PPP1CB: variants seen among roughly 807,000 people sequenced by gnomAD.
PPP1CB encodes the protein protein phosphatase 1 catalytic subunit beta.
A neutral mutation model predicts 43.7 loss-of-function variants in PPP1CB; 2 were observed. The ratio of observed to expected loss-of-function variants is 0.05; its 90% CI spans 0.02 to 0.14. PPP1CB has a LOEUF of 0.14. PPP1CB is among the 10% of genes least tolerant of loss of function. PPP1CB has a pLI of 1.00. For synonymous variants in PPP1CB, 136 were observed against 135.6 expected, an observed-to-expected ratio of 1.00 and a Z score of -0.02; for missense variants, 84 against 398.0, an observed-to-expected ratio of 0.21 and a Z score of 6.71.
chr2:28,751,792 C>T (rs2148448498), upstream of PPP1CB: 3 of 416,528 alleles, frequency 7.2e-6, no homozygotes, highest in Non-Finnish European at 8.8e-6. Context: ...GAGTGAGTGG[C>T]GCTGCGGGTG....
chr2:28,769,711 TACG>T (rs1666861121), intron 1 of PPP1CB, among the ~76,000 whole-genome samples: 1 of 151,982 alleles, frequency 6.6e-6, no homozygotes, highest in Non-Finnish European at 1.5e-5. Flanking sequence ...GAAACAAAAA[TACG>T]ACAACTGTAG....
chr2:28,756,883 G>A (rs1666501251), intron 1 of PPP1CB, among the ~76,000 whole-genome samples: 1 of 152,140 alleles, frequency 6.6e-6, no homozygotes, highest in Non-Finnish European at 1.5e-5. Context: ...TAAAATGACA[G>A]CTTTATCCAG....
At chr2:28,785,664 T>C (rs1398043988) in intron 5 of PPP1CB, among the ~76,000 whole-genome samples, 1 of 151,916 alleles carries the variant, frequency 6.6e-6, no homozygotes, top group African/African-American at 2.4e-5. Flanking sequence ...AAAATTTTTT[T>C]TTTTAATTAG....
intron 5 of PPP1CB, among the ~76,000 whole-genome samples, chr2:28,785,631 C>T (rs1340169011): frequency 6.6e-6 from 1 of 151,816 alleles, no homozygotes; most frequent in Non-Finnish European, 1.5e-5. Flanking sequence ...GGCAACATAA[C>T]ACCCATCTCT....
intron 1 of PPP1CB, among the ~76,000 whole-genome samples, chr2:28,753,375 G>T (rs1354420347): frequency 6.6e-6 from 1 of 152,180 alleles, no homozygotes; most frequent in Non-Finnish European, 1.5e-5. Flanking sequence ...GTATGTGTCG[G>T]TATCTCAAAC....
At chr2:28,777,358 C>T (rs764849593) in intron 2 of PPP1CB, 20 of 153,792 alleles carry the variant, frequency 1.3e-4, no homozygotes, top group Non-Finnish European at 2.3e-4. Flanking sequence ...AAGCAAGTCT[C>T]CAACTCTAGT....
chr2:28,801,699 T>G lies in PPP1CB; in HGVS notation c.*2396T>G, dbSNP rs1429105636. 1 of 152,194 alleles carries G rather than the reference T, an allele frequency of 6.6e-6. No homozygotes were observed. The highest frequency in any genetic ancestry group is 1.5e-5 in the Non-Finnish European group (1 of 68,002). 9.4% of individuals were successfully genotyped at this position (152,194 alleles called of 1,614,324 possible). ...CACTAATTTATATTGTTCTTTCCTCTGATTTTTTTCAGGTTAGTGATTTTT... is the reference window on the plus strand; with the variant it reads ...CACTAATTTATATTGTTCTTTCCTCGGATTTTTTTCAGGTTAGTGATTTTT... On this transcript the variant is annotated 3_prime_UTR_variant, in exon 8 of 8. Transcript: ENST00000395366.
intron 1 of PPP1CB, among the ~76,000 whole-genome samples, chr2:28,773,632 A>G (rs887376926): frequency 7.9e-5 from 12 of 151,398 alleles, no homozygotes; most frequent in Admixed American, 6.6e-4. Context: ...ATAGCAGTCT[A>G]GTTGCCCTGT....
chr2:28,802,040 C>T lies in PPP1CB; in HGVS notation c.*2737C>T, dbSNP rs941965242. 6.6e-6 allele frequency: 1 copy of T among 152,092 alleles called. No homozygotes were observed. The highest frequency in any genetic ancestry group is 2.1e-4 in the South Asian group (1 of 4,818). 9.4% of individuals were successfully genotyped at this position (152,092 alleles called of 1,614,324 possible). On this transcript the variant is annotated 3_prime_UTR_variant, in exon 8 of 8. Coordinates refer to ENST00000395366, the MANE Select transcript of PPP1CB (RefSeq NM_002709.3). ...TCATTGTAAAAAGTACCTAAACATT[C>T]GTGAAATGATTTTTTTTAGCTGAAA...
chr2:28,792,198 G>T (rs1244542441), intron 6 of PPP1CB, among the ~76,000 whole-genome samples: 2 of 152,074 alleles, frequency 1.3e-5, no homozygotes, highest in Non-Finnish European at 2.9e-5. Context: ...AAATTAGCTG[G>T]GCACGGTGGC....
At chr2:28,753,912 A>AT (rs1666414515) in intron 1 of PPP1CB, among the ~76,000 whole-genome samples, 1 of 151,016 alleles carries the variant, frequency 6.6e-6, no homozygotes, top group Admixed American at 6.6e-5. Flanking sequence ...TTTTTTTTGT[A>AT]TTTTTGTAGA....
Position 28,799,223 on chromosome 2 carries a change from G to C in PPP1CB, c.904G>C (p.Ala302Pro), listed in dbSNP as rs1667558035. ...FQILKPSEKK[A>P]KYQYGGLNSG... ...GATATTGAAACCATCTGAAAAGAAAGCTAAATACCAGTATGGTGGACTGAA... is the reference window on the plus strand; with the variant it reads ...GATATTGAAACCATCTGAAAAGAAACCTAAATACCAGTATGGTGGACTGAA... The change falls in exon 8 of 8, where the codon GCT becomes CCT. Residue 302 changes from alanine (A) to proline (P), a missense_variant. Ala to Pro is a conservative substitution (Grantham distance 27). Coordinates refer to ENST00000395366, the MANE Select transcript of PPP1CB (RefSeq NM_002709.3). The C allele has an allele frequency of 6.2e-7, 1 of 1,602,392 alleles. No homozygotes were observed. The highest frequency in any genetic ancestry group is 1.3e-5 in the African/African-American group (1 of 74,604).
At chr2:28,784,936 A>G (rs1319893650) in intron 5 of PPP1CB, among the ~76,000 whole-genome samples, 2 of 114,406 alleles carry the variant, frequency 1.7e-5, no homozygotes, top group African/African-American at 5.5e-5. Context: ...AAAAAAAAAG[A>G]AAAAAGAAAC....
At chr2:28,793,735 C>T (rs1667436019) in intron 6 of PPP1CB, 128 bp from the exon 7 acceptor site, 1 of 974,506 alleles carries the variant, frequency 1.0e-6, no homozygotes, top group Non-Finnish European at 1.5e-6. Context: ...ATCACAACTT[C>T]CAAAACAAAA....
intron 1 of PPP1CB, among the ~76,000 whole-genome samples, chr2:28,752,993 A>G (rs889806498): frequency 6.6e-6 from 1 of 152,214 alleles, no homozygotes; most frequent in Admixed American, 6.5e-5. Context: ...TCCGGGCTCA[A>G]GTGTTCTTAT....
upstream of PPP1CB, chr2:28,751,728 A>T: frequency 4.1e-6 from 1 of 243,036 alleles, no homozygotes; most frequent in Non-Finnish European, 8.1e-6. Context: ...CGGGGAGCGC[A>T]CCGCGCGCCT....
chr2:28,752,188 C>T lies in PPP1CB; in HGVS notation c.52+12C>T. On this transcript the variant is annotated intron_variant, in intron 1 of 7. Transcript: ENST00000395366. The stretch of plus-strand genomic sequence containing the variant: ...CCGGCTGCTGGAGGGTGAGTGCGCG[C>T]CTGGCCGCGGGACAGAGGGAGGTCG... The T allele has an allele frequency of 6.5e-7, 1 of 1,541,072 alleles. No individual in the cohort carries two copies. The highest frequency in any genetic ancestry group is 8.8e-7 in the Non-Finnish European group (1 of 1,141,662).
At chr2:28,758,988 T>C (rs1023914567) in intron 1 of PPP1CB, among the ~76,000 whole-genome samples, 2 of 152,228 alleles carry the variant, frequency 1.3e-5, no homozygotes, top group Non-Finnish European at 2.9e-5. Flanking sequence ...TCCCATCTGG[T>C]CAGTTGCAAG....
In PPP1CB at chr2:28,751,850, G is replaced by C. The variant is rs748557449; in HGVS notation, c.-275G>C. On this transcript the variant is annotated 5_prime_UTR_variant, in exon 1 of 8. Transcript: ENST00000395366. ...GCTTTGCGGAGCTGGGCGGTGCCGA[G>C]GAGGAGGAGGTGGCGGCCTGGGTCT... 3 of 527,110 alleles carry C rather than the reference G, an allele frequency of 5.7e-6. No homozygotes were observed. Among genetic ancestry groups the C allele is most frequent in the Non-Finnish European group, 1.0e-5 (3 of 289,608 alleles). 32.7% of individuals were successfully genotyped at this position (527,110 alleles called of 1,614,324 possible).
Sources: allele counts gnomAD v4.1 joint callset (sites outside exome capture counted in the v4.1 genomes callset), GRCh38; gene constraint gnomAD v4.1.1; transcripts MANE v1.5; gene names NCBI Gene and HGNC (gene_info 2026-07-23, HGNC 2026-07-21).